Variants in DNAH6 observed in about 807,000 individuals in gnomAD.
DNAH6 encodes axonemal beta dynein heavy chain 6.
A neutral mutation model predicts 491.4 loss-of-function variants in DNAH6; 340 were observed. The ratio of observed to expected loss-of-function variants is 0.69; its 90% CI spans 0.63 to 0.76. The LOEUF (loss-of-function observed/expected upper bound fraction) is 0.76. Ranked by LOEUF, DNAH6 falls within the 30% of genes least tolerant of loss-of-function variation. The probability of loss-of-function intolerance (pLI) is 0.00; values close to 1 mark genes in which losing one functional copy is unlikely to be tolerated. For synonymous variants in DNAH6, 1,603 were observed against 1,686.1 expected (o/e 0.95, Z 1.21); for missense variants, 4,443 against 4,972.2 (o/e 0.89, Z 3.20).
chr2:84,596,331 TTTTG>T (rs984723364), intron 18 of DNAH6, among the ~76,000 whole-genome samples: 12 of 152,094 alleles, frequency 7.9e-5, no homozygotes, highest in African/African-American at 2.9e-4. Context: ...GTTGTTGTTG[TTTTG>T]TTTGTTTGTT....
rs761309919 is a variant in DNAH6, at chr2:84,653,831, G to A, written c.5591G>A (p.Ser1864Asn). ...DDNKMLCLAN[S>N]ERIKLTPQIH... ...AACAAGATGCTTTGCCTGGCTAACAGTGAGAGGATTAAACTCACACCTCAA... is the reference window on the plus strand; with the variant it reads ...AACAAGATGCTTTGCCTGGCTAACAATGAGAGGATTAAACTCACACCTCAA... Residue 1864 changes from serine (S) to asparagine (N), a missense_variant, in exon 34 of 77, where the codon AGT becomes AAT. By Grantham distance (46) the Ser-to-Asn change is conservative (BLOSUM62 1). Transcript: ENST00000389394. The A allele has an allele frequency of 3.9e-6, 6 of 1,551,204 alleles. No homozygotes were observed. Among genetic ancestry groups the A allele is most frequent in the South Asian group, 1.2e-5 (1 of 84,018 alleles).
intron 33 of DNAH6, among the ~76,000 whole-genome samples, chr2:84,642,765 C>T (rs1209112123): frequency 1.3e-5 from 2 of 152,010 alleles, no homozygotes; most frequent in African/African-American, 4.8e-5. Context: ...ATCCTAATTC[C>T]TCCCTCCATC....
chr2:84,670,583 T>C, intron 39 of DNAH6, 108 bp downstream of exon 39: 1 of 841,472 alleles, frequency 1.2e-6, no homozygotes, highest in Non-Finnish European at 1.8e-6. Context: ...ATTTGCTTAA[T>C]TTACTTGTAA....
intron 72 of DNAH6, among the ~76,000 whole-genome samples, chr2:84,811,914 G>C (rs1217219334): frequency 1.3e-5 from 2 of 151,608 alleles, no homozygotes; most frequent in African/African-American, 4.9e-5. Flanking sequence ...GGGGTTTGGG[G>C]GAACCCTCTG....
chr2:84,577,898 C>T (rs1682623036), intron 13 of DNAH6, among the ~76,000 whole-genome samples: 1 of 152,160 alleles, frequency 6.6e-6, no homozygotes. Context: ...TGTGTCTTCC[C>T]AATGCCCACA....
chr2:84,733,454 C>T lies in DNAH6; in HGVS notation c.10217C>T (p.Pro3406Leu). ...GSAGLEKERPPKPEAPWLPTA... is the reference protein window; with the variant it reads ...GSAGLEKERPLKPEAPWLPTA... ...TCTGTCTTCAAACAGGAACGCCCAC[C>T]TAAGCCTGAAGCTCCCTGGCTACCT... The change falls in exon 62 of 77, where the codon CCT becomes CTT. Residue 3406 changes from proline (P) to leucine (L), a missense_variant. Pro to Leu is a moderately conservative substitution (Grantham distance 98, BLOSUM62 -3). This residue lies in a region of DNAH6 where 1,463 missense variants were observed against 1,656.6 expected (regional missense o/e 0.88). Transcript: ENST00000389394. 1 of 1,550,986 alleles carries T rather than the reference C, an allele frequency of 6.4e-7. No individual in the cohort carries two copies. The highest frequency in any genetic ancestry group is 8.7e-7 in the Non-Finnish European group (1 of 1,146,496).
chr2:84,497,228 C>G, the DNAH6 span, among the ~76,000 whole-genome samples: 1 of 152,126 alleles, frequency 6.6e-6, no homozygotes, highest in Non-Finnish European at 1.5e-5. Flanking sequence ...GCCTTGGCCT[C>G]CCAAAGTGCT....
chr2:84,624,215 A>G (rs747470024), intron 26 of DNAH6, 50 bp from the exon 27 acceptor site: 32 of 1,472,412 alleles, frequency 2.2e-5, no homozygotes, highest in South Asian at 6.8e-5. Flanking sequence ...TAATGTATAT[A>G]TGTAAGCTGA....
At chr2:84,551,367 T>G (rs901342571) in intron 9 of DNAH6, among the ~76,000 whole-genome samples, 1 of 145,678 alleles carries the variant, frequency 6.9e-6, no homozygotes, top group Non-Finnish European at 1.5e-5. Flanking sequence ...GAAAAGCACC[T>G]TTGCTACCCA....
At chr2:84,811,986 T>C (rs1002541611) in intron 72 of DNAH6, among the ~76,000 whole-genome samples, 1 of 151,912 alleles carries the variant, frequency 6.6e-6, no homozygotes, top group East Asian at 1.9e-4. Flanking sequence ...CTCCTCACAC[T>C]CTGTGCTTCC....
Position 84,814,090 on chromosome 2 carries a change from C to T in DNAH6, c.12118C>T (p.Gln4040Ter). ...AAVIEAAKTV[Q>*]FGQELPMDME... ...AGTGATAGAAGCTGCCAAGACAGTG[C>T]AATTTGGACAAGAACTGCCCATGGA... The change falls in exon 75 of 77, where the codon CAA becomes TAA. Residue 4040 changes from glutamine to a stop codon, truncating the protein, a stop_gained. Coordinates refer to ENST00000389394, the MANE Select transcript of DNAH6 (RefSeq NM_001370.2). LOFTEE classifies it high-confidence loss of function. 1 of 1,551,680 alleles carries T rather than the reference C, an allele frequency of 6.4e-7. No individual in the cohort carries two copies. The highest frequency in any genetic ancestry group is 8.7e-7 in the Non-Finnish European group (1 of 1,146,974).
chr2:84,774,903 C>A (rs1175516467), intron 64 of DNAH6, among the ~76,000 whole-genome samples: 1 of 152,070 alleles, frequency 6.6e-6, no homozygotes, highest in East Asian at 1.9e-4. Flanking sequence ...CTGAAACTTA[C>A]TGAAGACATT....
chr2:84,517,523 G>A (rs1187642370), intron 1 of DNAH6, among the ~76,000 whole-genome samples: 2 of 152,174 alleles, frequency 1.3e-5, no homozygotes, highest in African/African-American at 2.4e-5. Context: ...ATCTAGACCA[G>A]TGTGGTCTCC....
intron 4 of DNAH6, among the ~76,000 whole-genome samples, chr2:84,541,972 C>T (rs1329485907): frequency 6.6e-6 from 1 of 152,118 alleles, no homozygotes; most frequent in African/African-American, 2.4e-5. Flanking sequence ...TTTGAAAGGG[C>T]TCTCGTGTGT....
At chr2:84,629,003 A>C (rs763200214) in intron 29 of DNAH6, among the ~76,000 whole-genome samples, 15 of 152,104 alleles carry the variant, frequency 9.9e-5, no homozygotes, top group Admixed American at 3.3e-4. Context: ...GTGTGGTCCT[A>C]AATTTAAAAC....
rs1308617575 is a variant in DNAH6, at chr2:84,642,043, T to C, written c.5067T>C (p.Ala1689=). The change falls in exon 33 of 77, where the codon GCT becomes GCC. Residue 1689 remains alanine (A), a synonymous_variant. Transcript: ENST00000389394. Reference sequence around the variant, plus strand: ...TGCCAAAATTTCTAACAGATGATGCTCTTCTGTTCAGGTAAGTTTGTAGAC... The same window carrying C: ...TGCCAAAATTTCTAACAGATGATGCCCTTCTGTTCAGGTAAGTTTGTAGAC... ...SNLPKFLTDD[A]LLFSGIISDL... 13 of 1,549,950 alleles carry C rather than the reference T, an allele frequency of 8.4e-6. No individual in the cohort carries two copies. The highest frequency in any genetic ancestry group is 1.1e-5 in the Non-Finnish European group (13 of 1,145,852).
chr2:84,468,638 ATTAC>A, the DNAH6 span, among the ~76,000 whole-genome samples: 1 of 152,206 alleles, frequency 6.6e-6, no homozygotes, highest in African/African-American at 2.4e-5. Flanking sequence ...TAAATCAGAG[ATTAC>A]TTACTTCGTA....
chr2:84,806,045 C>G (rs1007617572), intron 71 of DNAH6, among the ~76,000 whole-genome samples: 1 of 152,120 alleles, frequency 6.6e-6, no homozygotes, highest in African/African-American at 2.4e-5. Context: ...TCCTGAGCTT[C>G]CCTTGGTTTC....
At chr2:84,720,599 C>A (rs193041464) in intron 59 of DNAH6, among the ~76,000 whole-genome samples, 1 of 152,228 alleles carries the variant, frequency 6.6e-6, no homozygotes, top group African/African-American at 2.4e-5. Flanking sequence ...GCTACTAATT[C>A]TTAAGCCTTT....
Sources: allele counts gnomAD v4.1 joint callset (sites outside exome capture counted in the v4.1 genomes callset), GRCh38; gene constraint gnomAD v4.1.1; regional missense constraint gnomAD v4.1.1; transcripts MANE v1.5; gene names NCBI Gene and HGNC (gene_info 2026-07-23, HGNC 2026-07-21).